Variants in CALN1 observed in about 807,000 individuals in gnomAD.
CALN1 encodes calcium-binding protein 8.
CALN1 carries 17 observed loss-of-function variants against 30.6 expected under a neutral mutation model. The observed-to-expected ratio is 0.56, with a 90% CI of 0.38 to 0.83. The LOEUF is 0.83. CALN1 is among the 40% of genes least tolerant of loss of function. The pLI is 0.00. For synonymous variants in CALN1, 156 were observed against 131.4 expected (o/e 1.19, Z -1.28); for missense variants, 291 against 354.9 (o/e 0.82, Z 1.45).
chr7:72,085,656 T>A (rs935844962), intron 4 of CALN1, among the ~76,000 whole-genome samples: 1 of 152,210 alleles, frequency 6.6e-6, no homozygotes, highest in Admixed American at 6.5e-5. Flanking sequence ...AAGGGACTAC[T>A]TGGGGTAATA....
chr7:72,216,399 A>G (rs1792815661), intron 3 of CALN1, among the ~76,000 whole-genome samples: 1 of 138,502 alleles, frequency 7.2e-6, no homozygotes. Context: ...TGGATGACAC[A>G]AGACCCTATG....
chr7:72,203,118 T>G (rs937848233), intron 3 of CALN1, among the ~76,000 whole-genome samples: 2 of 152,022 alleles, frequency 1.3e-5, no homozygotes, highest in East Asian at 3.9e-4. Context: ...TTCTCACTCA[T>G]AAGTGGGAGC....
At position 71,922,610 on chromosome 7, in the gene CALN1, C is replaced by CACAGAATGTATTATATATAAATATATA. The variant is rs1795011297; in HGVS notation, c.501+101046_501+101047insTATATATTTATATATAATACATTCTGT. ...ATGTATTATATATAAATATATAACA[C>CACAGAATGTATTATATATAAATATATA]ACAGAATATATTATATATAAATATA... On this transcript the variant is annotated intron_variant, in intron 5 of 6. Coordinates refer to ENST00000395275, the MANE Select transcript of CALN1 (RefSeq NM_031468.4). Among the ~76,000 whole-genome samples, 113 of 132,132 alleles carry CACAGAATGTATTATATATAAATATATA rather than the reference C, an allele frequency of 8.6e-4. 1 individual carries two copies. The highest frequency in any genetic ancestry group is 3.1e-3 in the African/African-American group (108 of 35,132). The allele number at this position is 132,132 out of a possible 152,430, so 86.7% of individuals were successfully genotyped here. A position where few individuals can be genotyped will look rare whatever the true frequency, so the allele number is the denominator to read the frequency against.
At chr7:72,397,181 G>A (rs922589414) in intron 2 of CALN1, among the ~76,000 whole-genome samples, 9 of 152,108 alleles carry the variant, frequency 5.9e-5, no homozygotes, top group Admixed American at 1.3e-4. Context: ...AAAGTGCTGG[G>A]ATTACAATCA....
intron 3 of CALN1, among the ~76,000 whole-genome samples, chr7:72,157,576 A>G (rs553063076): frequency 2.7e-5 from 4 of 149,698 alleles, no homozygotes; most frequent in South Asian, 2.1e-4. Flanking sequence ...AAGACAGGGG[A>G]AAAAAAAAAC....
chr7:72,399,509 TCCAC>T (rs1806197835), intron 2 of CALN1, among the ~76,000 whole-genome samples: 1 of 152,016 alleles, frequency 6.6e-6, no homozygotes, highest in Admixed American at 6.6e-5. Flanking sequence ...GACCTCGTGA[TCCAC>T]CCACCTCGGA....
At chr7:72,190,995 T>C (rs1471573197) in intron 3 of CALN1, among the ~76,000 whole-genome samples, 4 of 152,228 alleles carry the variant, frequency 2.6e-5, no homozygotes, top group Non-Finnish European at 4.4e-5. Flanking sequence ...TGGCATTCAT[T>C]CATTGACCAA....
intron 3 of CALN1, among the ~76,000 whole-genome samples, chr7:72,132,350 C>T (rs1019321262): frequency 5.9e-5 from 9 of 152,060 alleles, no homozygotes; most frequent in African/African-American, 1.2e-4. Context: ...TCTGCAATAC[C>T]GTACTGAAAG....
chr7:72,211,775 T>G (rs978895151), intron 3 of CALN1, among the ~76,000 whole-genome samples: 2 of 152,092 alleles, frequency 1.3e-5, no homozygotes, highest in African/African-American at 4.8e-5. Flanking sequence ...TGACAGCCGG[T>G]GATGGGGTCA....
At chr7:72,209,712 C>T (rs1792256374) in intron 3 of CALN1, among the ~76,000 whole-genome samples, 1 of 152,108 alleles carries the variant, frequency 6.6e-6, no homozygotes, top group South Asian at 2.1e-4. Flanking sequence ...TCTTTATTCC[C>T]CAGCCCTAAG....
At position 71,816,970 on chromosome 7, in the gene CALN1, A is replaced by G. The variant is rs190140101; in HGVS notation, c.502-6478T>C. Among the ~76,000 whole-genome samples the G allele has an allele frequency of 3.7e-3, 559 of 152,298 alleles. 4 individuals are homozygous for G. The highest frequency in any genetic ancestry group is 0.013 in the African/African-American group (520 of 41,568). ...GCAACAGAGCGAGACTCTGTCTCCAAAAAACAAAAATCTATAGTTTTGGAG... is the reference window on the plus strand; with the variant it reads ...GCAACAGAGCGAGACTCTGTCTCCAGAAAACAAAAATCTATAGTTTTGGAG... On this transcript the variant is annotated intron_variant, in intron 5 of 6. Transcript: ENST00000395275.
At chr7:71,974,349 G>A (rs1405702365) in intron 5 of CALN1, among the ~76,000 whole-genome samples, 1 of 149,962 alleles carries the variant, frequency 6.7e-6, no homozygotes, top group East Asian at 2.0e-4. Flanking sequence ...ACTCGGGAGG[G>A]GGAAGTTGCA....
chr7:72,282,153 G>A (rs1449724222), intron 2 of CALN1, among the ~76,000 whole-genome samples: 2 of 152,126 alleles, frequency 1.3e-5, no homozygotes, highest in Non-Finnish European at 2.9e-5. Flanking sequence ...AAGCTGCCTA[G>A]GGAAACCCAA....
chr7:72,205,511 A>G lies in CALN1; in HGVS notation c.244+73175T>C, dbSNP rs188278075. ...AGCCACCACACCCAGCCTTTCCCCAATTTTTGTCAGAAGTATTTTTCTCCT... is the reference window on the plus strand; with the variant it reads ...AGCCACCACACCCAGCCTTTCCCCAGTTTTTGTCAGAAGTATTTTTCTCCT... On this transcript the variant is annotated intron_variant, in intron 3 of 6. Coordinates refer to ENST00000395275, the MANE Select transcript of CALN1 (RefSeq NM_031468.4). 5.2e-3 allele frequency among the ~76,000 whole-genome samples: 673 copies of G among 130,644 alleles called. 3 individuals carry two copies. The highest frequency in any genetic ancestry group is 7.9e-3 in the Non-Finnish European group (520 of 65,420). 85.7% of individuals were successfully genotyped at this position (130,644 alleles called of 152,430 possible). A position where few individuals can be genotyped will look rare whatever the true frequency, so the allele number is the denominator to read the frequency against.
At chr7:72,033,183 T>G (rs1346075750) in intron 4 of CALN1, among the ~76,000 whole-genome samples, 1 of 151,392 alleles carries the variant, frequency 6.6e-6, no homozygotes, top group African/African-American at 2.4e-5. Flanking sequence ...GTCAAAGTAA[T>G]GAACTTGAAC....
intron 2 of CALN1, among the ~76,000 whole-genome samples, chr7:72,281,751 C>T (rs1797745906): frequency 6.6e-6 from 1 of 152,170 alleles, no homozygotes; most frequent in South Asian, 2.1e-4. Flanking sequence ...CCTATTGTCA[C>T]CTTTTACCTG....
At chr7:72,474,988 C>A in the CALN1 span, among the ~76,000 whole-genome samples, 6 of 152,172 alleles carry the variant, frequency 3.9e-5, no homozygotes, top group Non-Finnish European at 7.3e-5. Flanking sequence ...TTTGTCCCCC[C>A]CAAGCCTGGG....
chr7:72,015,486 C>T (rs1800326874), intron 5 of CALN1, among the ~76,000 whole-genome samples: 1 of 150,458 alleles, frequency 6.6e-6, no homozygotes, highest in Admixed American at 6.6e-5. Flanking sequence ...GTCGCCCAGG[C>T]TGGAGTGAGG....
At chr7:72,266,977 C>T (rs1466632419) in intron 3 of CALN1, among the ~76,000 whole-genome samples, 2 of 152,200 alleles carry the variant, frequency 1.3e-5, no homozygotes, top group African/African-American at 4.8e-5. Flanking sequence ...CAGCTCAGGG[C>T]AGAGCTGTAT....
Sources: allele counts gnomAD v4.1 joint callset (sites outside exome capture counted in the v4.1 genomes callset), GRCh38; gene constraint gnomAD v4.1.1; transcripts MANE v1.5; gene names NCBI Gene and HGNC (gene_info 2026-07-23, HGNC 2026-07-21).